Variants in MAN2A1 observed in about 807,000 individuals in gnomAD.
The protein encoded by MAN2A1 is mannosidase alpha class 2A member 1, also known as alpha-mannosidase 2.
MAN2A1 carries 76 observed loss-of-function variants against 142.6 expected under a neutral mutation model. The observed-to-expected ratio is 0.53, with a 90% CI of 0.44 to 0.65. The LOEUF is 0.65. Among genes scored for constraint, MAN2A1 ranks in the 30% least tolerant of loss-of-function variants. The pLI is 0.00. For missense variants in MAN2A1, 1,311 were observed against 1,365.1 expected (o/e 0.96, Z 0.62); for synonymous variants, 559 against 473.2 (o/e 1.18, Z -2.35).
At chr5:109,762,145 G>A (rs535402234) in intron 5 of MAN2A1, among the ~76,000 whole-genome samples, 4 of 151,982 alleles carry the variant, frequency 2.6e-5, no homozygotes, top group Non-Finnish European at 5.9e-5. Flanking sequence ...CACAAGGATA[G>A]GATAGTATTT....
intron 8 of MAN2A1, among the ~76,000 whole-genome samples, chr5:109,779,086 C>G (rs1753373080): frequency 6.6e-6 from 1 of 151,994 alleles, no homozygotes; most frequent in Non-Finnish European, 1.5e-5. Flanking sequence ...TTTTTATGAG[C>G]TACCAAGAGA....
Position 109,855,178 on chromosome 5 carries a change from T to G in MAN2A1, c.3015T>G (p.Leu1005=). The part of the protein sequence containing the change: ...EKKSVSYPSL[L]SHITSSLMNH... ...AGTCGGTCAGTTATCCTTCTCTCCT[T>G]AGCCACATAACTTCTTCTCTCATGA... Residue 1005 remains leucine (L), a synonymous_variant, in exon 20 of 22, where the codon CTT becomes CTG. Coordinates refer to ENST00000261483, the MANE Select transcript of MAN2A1 (RefSeq NM_002372.4). The G allele has an allele frequency of 1.9e-6, 3 of 1,595,236 alleles. No homozygotes were observed. Among genetic ancestry groups the G allele is most frequent in the South Asian group, 2.3e-5 (2 of 86,300 alleles).
chr5:109,768,263 TG>T (rs1368517719), intron 6 of MAN2A1, among the ~76,000 whole-genome samples: 1 of 152,194 alleles, frequency 6.6e-6, no homozygotes, highest in East Asian at 1.9e-4. Context: ...CTAGGCCTCT[TG>T]GGAGGCCTTT....
At chr5:109,735,507 G>T (rs149864918) in intron 4 of MAN2A1, among the ~76,000 whole-genome samples, 1 of 152,104 alleles carries the variant, frequency 6.6e-6, no homozygotes, top group South Asian at 2.1e-4. Flanking sequence ...GCAGTGGCTG[G>T]TACCGGTTGT....
At chr5:109,829,034 G>T (rs1754834276) in intron 16 of MAN2A1, among the ~76,000 whole-genome samples, 1 of 151,824 alleles carries the variant, frequency 6.6e-6, no homozygotes, top group African/African-American at 2.4e-5. Context: ...GTGGACAAAT[G>T]GAATTAAAAG....
Position 109,816,921 on chromosome 5 carries a change from G to C in MAN2A1, c.1944-352G>C, listed in dbSNP as rs539714721. Among the ~76,000 whole-genome samples, 74 of 152,254 alleles carry C rather than the reference G, an allele frequency of 4.9e-4. 1 individual carries two copies. The highest frequency in any genetic ancestry group is 4.8e-3 in the Admixed American group (74 of 15,294). On this transcript the variant is annotated intron_variant, in intron 12 of 21. Coordinates refer to ENST00000261483, the MANE Select transcript of MAN2A1 (RefSeq NM_002372.4). ...TGATGAAATTGCCTGTTCTCTGAAA[G>C]TTCTCACAGAATATTCCTGTTAATT... is the stretch of plus-strand genomic sequence containing the variant.
At chr5:109,770,171 G>A (rs1753104987) in intron 6 of MAN2A1, among the ~76,000 whole-genome samples, 184 bp from the exon 7 acceptor site, 1 of 152,186 alleles carries the variant, frequency 6.6e-6, no homozygotes, top group Non-Finnish European at 1.5e-5. Flanking sequence ...AGATGTGTGA[G>A]TATCTTCCTT....
At chr5:109,848,481 C>T (rs936684806) in intron 19 of MAN2A1, among the ~76,000 whole-genome samples, 1 of 152,184 alleles carries the variant, frequency 6.6e-6, no homozygotes, top group South Asian at 2.1e-4. Context: ...CTCTTTTCAG[C>T]CAGTGATCGT....
chr5:109,838,094 C>T (rs944526289), intron 16 of MAN2A1, among the ~76,000 whole-genome samples: 2 of 151,958 alleles, frequency 1.3e-5, no homozygotes, highest in East Asian at 1.9e-4. Context: ...GGGTGTGAGA[C>T]TGGAATCTAC....
chr5:109,712,959 A>T (rs1483534058), intron 1 of MAN2A1, among the ~76,000 whole-genome samples: 1 of 152,230 alleles, frequency 6.6e-6, no homozygotes, highest in African/African-American at 2.4e-5. Context: ...ACAGTATAGC[A>T]AAAGCAGACT....
chr5:109,728,623 G>C (rs1308070771), intron 3 of MAN2A1, among the ~76,000 whole-genome samples: 2 of 152,168 alleles, frequency 1.3e-5, no homozygotes, highest in Admixed American at 6.6e-5. Flanking sequence ...AGGATATTTG[G>C]AAAGTAGAGG....
chr5:109,695,692 A>G (rs1033690998), intron 1 of MAN2A1, among the ~76,000 whole-genome samples: 3 of 152,182 alleles, frequency 2.0e-5, no homozygotes, highest in African/African-American at 7.2e-5. Flanking sequence ...TCTTGGTAAA[A>G]GTTCCTGATA....
At chr5:109,690,786 G>T (rs1170080785) in intron 1 of MAN2A1, among the ~76,000 whole-genome samples, 1 of 152,118 alleles carries the variant, frequency 6.6e-6, no homozygotes, top group Non-Finnish European at 1.5e-5. Context: ...GCATCATCCC[G>T]CTCAGGAAAG....
intron 16 of MAN2A1, among the ~76,000 whole-genome samples, chr5:109,824,831 C>T (rs1020127382): frequency 7.9e-5 from 12 of 152,130 alleles, no homozygotes; most frequent in African/African-American, 2.6e-4. Context: ...TTTAATTTTG[C>T]TTTTATTTAA....
chr5:109,797,866 G>A (rs966420548), intron 12 of MAN2A1, among the ~76,000 whole-genome samples: 1 of 152,134 alleles, frequency 6.6e-6, no homozygotes, highest in African/African-American at 2.4e-5. Flanking sequence ...AGACTATGAA[G>A]TTTTGAAATC....
At chr5:109,807,682 G>A (rs1390550009) in intron 12 of MAN2A1, among the ~76,000 whole-genome samples, 1 of 152,040 alleles carries the variant, frequency 6.6e-6, no homozygotes, top group Non-Finnish European at 1.5e-5. Flanking sequence ...CCCCGAATGA[G>A]CTCCCCATAC....
chr5:109,727,216 G>A (rs557640766), intron 3 of MAN2A1, among the ~76,000 whole-genome samples: 13 of 152,286 alleles, frequency 8.5e-5, no homozygotes, highest in African/African-American at 1.7e-4. Flanking sequence ...TTAAACAACA[G>A]AAATTTGTTT....
chr5:109,734,763 C>T (rs1752035012), intron 4 of MAN2A1, among the ~76,000 whole-genome samples: 2 of 152,038 alleles, frequency 1.3e-5, no homozygotes, highest in Non-Finnish European at 2.9e-5. Flanking sequence ...TGTTCTTTTA[C>T]GTTTGCTGAG....
chr5:109,836,332 G>A (rs575107269), intron 16 of MAN2A1, among the ~76,000 whole-genome samples: 1 of 151,568 alleles, frequency 6.6e-6, no homozygotes, highest in African/African-American at 2.4e-5. Flanking sequence ...GGGCAGGCTG[G>A]TCTCAAATCC....
Sources: allele counts gnomAD v4.1 joint callset (sites outside exome capture counted in the v4.1 genomes callset), GRCh38; gene constraint gnomAD v4.1.1; transcripts MANE v1.5; gene names NCBI Gene and HGNC (gene_info 2026-07-23, HGNC 2026-07-21).